The following MDGA2 variants were observed in gnomAD, a reference collection of about 807,000 sequenced individuals.
The protein encoded by MDGA2 is MAM domain containing glycosylphosphatidylinositol anchor 2.
MDGA2 carries 40 observed loss-of-function variants against 117.8 expected under a neutral mutation model. The observed-to-expected ratio is 0.34, with a 90% CI of 0.26 to 0.44. The LOEUF is 0.44. Among genes scored for constraint, MDGA2 ranks in the 20% least tolerant of loss-of-function variants. MDGA2 has a pLI of 1.00. For missense variants in MDGA2, 1,123 were observed against 1,250.6 expected, an observed-to-expected ratio of 0.90 and a Z score of 1.54; for synonymous variants, 452 against 439.0, an observed-to-expected ratio of 1.03 and a Z score of -0.37.
At chr14:47,098,391 T>C (rs2138985031) in intron 5 of MDGA2, among the ~76,000 whole-genome samples, 1 of 151,900 alleles carries the variant, frequency 6.6e-6, no homozygotes, top group Non-Finnish European at 1.5e-5. Context: ...CTAACATCAC[T>C]TTAAATAATA....
At chr14:47,511,728 A>C (rs990720328) in intron 1 of MDGA2, among the ~76,000 whole-genome samples, 8 of 152,222 alleles carry the variant, frequency 5.3e-5, no homozygotes, top group Non-Finnish European at 1.0e-4. Context: ...GAAAGGTAGC[A>C]AATGAAGACA....
chr14:47,372,290 T>G (rs1022628051), intron 1 of MDGA2, among the ~76,000 whole-genome samples: 5 of 151,410 alleles, frequency 3.3e-5, no homozygotes, highest in Admixed American at 2.6e-4. Context: ...CAAAAAAAAG[T>G]CAAAAATCAA....
chr14:47,460,585 T>C (rs927437963), intron 1 of MDGA2, among the ~76,000 whole-genome samples: 1 of 152,200 alleles, frequency 6.6e-6, no homozygotes, highest in Non-Finnish European at 1.5e-5. Context: ...AAAAGAAAGT[T>C]ATAGTAAGTG....
intron 8 of MDGA2, among the ~76,000 whole-genome samples, chr14:46,968,417 A>C (rs749174495): frequency 2.6e-5 from 4 of 152,240 alleles, no homozygotes; most frequent in Admixed American, 2.6e-4. Context: ...TGTCCGAGGC[A>C]GAGCAATTAG....
chr14:47,291,453 T>G (rs1888884768), intron 2 of MDGA2, among the ~76,000 whole-genome samples: 1 of 152,056 alleles, frequency 6.6e-6, no homozygotes, highest in South Asian at 2.1e-4. Flanking sequence ...AGATGCTCCT[T>G]AACTTATAAT....
intron 1 of MDGA2, among the ~76,000 whole-genome samples, chr14:47,510,395 A>G (rs1894614233): frequency 6.6e-6 from 1 of 152,212 alleles, no homozygotes; most frequent in Non-Finnish European, 1.5e-5. Context: ...TGAGAACTAA[A>G]GAGAGTTCTC....
intron 1 of MDGA2, among the ~76,000 whole-genome samples, chr14:47,325,955 T>G (rs1890130125): frequency 6.6e-6 from 1 of 152,140 alleles, no homozygotes. Context: ...TTAAGACAGT[T>G]ATTGCGGAAG....
intron 3 of MDGA2, among the ~76,000 whole-genome samples, chr14:47,179,972 C>G (rs1050056876): frequency 6.6e-6 from 1 of 151,776 alleles, no homozygotes; most frequent in Non-Finnish European, 1.5e-5. Context: ...TTAATGTGTT[C>G]TAATAAATTT....
At chr14:47,236,121 T>A (rs1408283084) in intron 2 of MDGA2, among the ~76,000 whole-genome samples, 5 of 151,636 alleles carry the variant, frequency 3.3e-5, no homozygotes, top group African/African-American at 1.2e-4. Flanking sequence ...TGAAACCCCG[T>A]CTCTACTAAA....
intron 1 of MDGA2, among the ~76,000 whole-genome samples, chr14:47,422,036 T>TTA (rs544073845): frequency 2.0e-5 from 3 of 152,288 alleles, no homozygotes; most frequent in African/African-American, 7.2e-5. Context: ...AAAGACACTT[T>TTA]TATAAAATAT....
chr14:46,970,143 C>T (rs1886208056), intron 8 of MDGA2, among the ~76,000 whole-genome samples: 1 of 151,354 alleles, frequency 6.6e-6, no homozygotes, highest in Non-Finnish European at 1.5e-5. Flanking sequence ...TCTATAGATT[C>T]AAAGCAGTCC....
At chr14:47,446,233 AT>A (rs1893119089) in intron 1 of MDGA2, among the ~76,000 whole-genome samples, 1 of 152,154 alleles carries the variant, frequency 6.6e-6, no homozygotes, top group African/African-American at 2.4e-5. Context: ...CATCTTGGGA[AT>A]TTTGTCTTCT....
intron 8 of MDGA2, among the ~76,000 whole-genome samples, chr14:47,021,517 A>T (rs1304268075): frequency 6.6e-6 from 1 of 152,136 alleles, no homozygotes; most frequent in Non-Finnish European, 1.5e-5. Context: ...CTAGCCTTCA[A>T]TCTCTTATTT....
chr14:47,432,195 G>C (rs2900008), intron 1 of MDGA2, among the ~76,000 whole-genome samples: 4,518 of 151,984 alleles, frequency 0.03, 219 homozygotes, highest in African/African-American at 0.1. Flanking sequence ...TTCGCTCTTA[G>C]TTTTGTGGTT....
intron 1 of MDGA2, among the ~76,000 whole-genome samples, chr14:47,620,668 A>G (rs553073770): frequency 7.2e-5 from 11 of 152,182 alleles, no homozygotes; most frequent in Non-Finnish European, 1.2e-4. Flanking sequence ...AACAATTTTT[A>G]AATAAGATTA....
chr14:47,431,346 A>G (rs562064691), intron 1 of MDGA2, among the ~76,000 whole-genome samples: 1 of 152,142 alleles, frequency 6.6e-6, no homozygotes, highest in South Asian at 2.1e-4. Context: ...AGTGAAAAAA[A>G]TTGCTTAAAA....
intron 6 of MDGA2, among the ~76,000 whole-genome samples, chr14:47,093,789 C>T (rs1183166151): frequency 6.6e-6 from 1 of 152,012 alleles, no homozygotes; most frequent in Non-Finnish European, 1.5e-5. Context: ...AATTTTATTT[C>T]TATCAGCACT....
intron 2 of MDGA2, among the ~76,000 whole-genome samples, chr14:47,231,119 CA>C: frequency 6.6e-6 from 1 of 151,914 alleles, no homozygotes; most frequent in Non-Finnish European, 1.5e-5. Flanking sequence ...AATTGAGATT[CA>C]AAAATATTAA....
At chr14:46,885,085 T>C (rs1882620888) in intron 10 of MDGA2, among the ~76,000 whole-genome samples, 1 of 152,008 alleles carries the variant, frequency 6.6e-6, no homozygotes, top group African/African-American at 2.4e-5. Context: ...TGACCTCAAG[T>C]GATCACCCAA....
Sources: gnomAD v4.1 joint callset for allele counts (sites outside exome capture counted in the v4.1 genomes callset) on GRCh38, gnomAD v4.1.1 for gene constraint, MANE v1.5 for transcripts, NCBI Gene and HGNC (gene_info 2026-07-23, HGNC 2026-07-21) for gene names.